The following SPRY3 variants were observed in gnomAD, a reference collection of about 807,000 sequenced individuals.
The protein encoded by SPRY3 is protein sprouty homolog 3.
A neutral mutation model predicts 20.2 loss-of-function variants in SPRY3; 15 were observed. The ratio of observed to expected loss-of-function variants is 0.74; its 90% CI spans 0.50 to 1.14. SPRY3 has a LOEUF of 1.14. Ranked by LOEUF, SPRY3 falls within the 50% of genes most tolerant of loss-of-function variation. The probability of loss-of-function intolerance (pLI) is 0.00; values close to 1 mark genes in which losing one functional copy is unlikely to be tolerated. For missense variants in SPRY3, 364 were observed against 363.9 expected (o/e 1.00, Z 0.00); for synonymous variants, 143 against 136.5 (o/e 1.05, Z -0.33).
chrX:155,761,583 G>T (rs907633318), intron 2 of SPRY3, among the ~76,000 whole-genome samples: 2 of 152,102 alleles, frequency 1.3e-5, no homozygotes, highest in African/African-American at 4.8e-5. Flanking sequence ...TGGGATTGCT[G>T]GGTCGAATGG....
At chrX:155,771,172 C>A (rs2091378543) in intron 3 of SPRY3, among the ~76,000 whole-genome samples, 1 of 152,166 alleles carries the variant, frequency 6.6e-6, no homozygotes, top group Non-Finnish European at 1.5e-5. Context: ...ATCAGTCTTG[C>A]AGAAATCGAA....
intron 1 of SPRY3, among the ~76,000 whole-genome samples, chrX:155,638,404 C>T (rs1187570525): frequency 3.4e-5 from 3 of 87,601 alleles, no homozygotes; most frequent in African/African-American, 1.4e-4. Context: ...AAAATGTCAC[C>T]CTTTCTGTAC....
At chrX:155,706,907 T>C (rs947453847) in intron 2 of SPRY3, among the ~76,000 whole-genome samples, 36 of 151,052 alleles carry the variant, frequency 2.4e-4, no homozygotes, top group African/African-American at 8.2e-4. Context: ...CCCAAATACT[T>C]ATGGGATGAT....
chrX:155,709,864 C>T (rs2090974364), intron 2 of SPRY3, among the ~76,000 whole-genome samples: 1 of 151,648 alleles, frequency 6.6e-6, no homozygotes, highest in Admixed American at 6.6e-5. Flanking sequence ...GTTCTAGGTT[C>T]ATTCTTCTGC....
chrX:155,776,198 A>T (rs755768419), exon 4 of SPRY3: 1 of 167,206 alleles, frequency 6.0e-6, no homozygotes, highest in Admixed American at 6.5e-5. Flanking sequence ...GTAGCTAATT[A>T]ACTATCAGGT....
At chrX:155,693,038 C>T (rs1348518302) in intron 2 of SPRY3, among the ~76,000 whole-genome samples, 1 of 110,545 alleles carries the variant, frequency 9.0e-6, no homozygotes, top group African/African-American at 3.3e-5. Context: ...CTTCTACTCA[C>T]TTACCTCAGT....
At chrX:155,767,913 T>C (rs944420836) in intron 2 of SPRY3, 49 bp from the exon 2 acceptor site, 2 of 148,298 alleles carry the variant, frequency 1.3e-5, no homozygotes, top group South Asian at 2.1e-4. Flanking sequence ...TTTTTTGTTT[T>C]GTTTTGTTTT....
chrX:155,673,780 T>C (rs12387333), intron 2 of SPRY3, among the ~76,000 whole-genome samples: 147 of 112,278 alleles, frequency 1.3e-3, no homozygotes, highest in African/African-American at 4.6e-3. Context: ...TGATTCAGGA[T>C]ACACTTAAGA....
chrX:155,779,732 T>C (rs2091452402), downstream of SPRY3: 1 of 166,854 alleles, frequency 6.0e-6, no homozygotes, highest in Admixed American at 6.6e-5. Context: ...AAGCAATGAG[T>C]TGGTTGGCTG....
At chrX:155,722,462 A>T (rs762287291) in intron 2 of SPRY3, among the ~76,000 whole-genome samples, 2 of 152,324 alleles carry the variant, frequency 1.3e-5, no homozygotes, top group South Asian at 4.2e-4. Flanking sequence ...TGGAGGTTGC[A>T]GTGAGCCAAG....
chrX:155,738,732 G>A (rs748493124), intron 2 of SPRY3, among the ~76,000 whole-genome samples: 1 of 152,274 alleles, frequency 6.6e-6, no homozygotes, highest in Admixed American at 6.5e-5. Context: ...AGATCCCCTT[G>A]TGAGCCCACA....
chrX:155,707,522 C>T (rs2090960306), intron 2 of SPRY3, among the ~76,000 whole-genome samples: 1 of 151,172 alleles, frequency 6.6e-6, no homozygotes, highest in African/African-American at 2.4e-5. Context: ...TTCATCTTTA[C>T]TAATATCTAT....
At chrX:155,766,833 C>T (rs1300289979) in intron 2 of SPRY3, among the ~76,000 whole-genome samples, 2 of 152,146 alleles carry the variant, frequency 1.3e-5, no homozygotes, top group Admixed American at 6.5e-5. Flanking sequence ...TTGTTGAATG[C>T]ATGCCATGCT....
chrX:155,713,869 T>G (rs1401088016), intron 2 of SPRY3, among the ~76,000 whole-genome samples: 1 of 152,162 alleles, frequency 6.6e-6, no homozygotes, highest in Non-Finnish European at 1.5e-5. Flanking sequence ...TCTGTAGGCA[T>G]ACTTCATTTT....
intron 2 of SPRY3, among the ~76,000 whole-genome samples, chrX:155,714,339 T>C (rs2091006764): frequency 6.6e-6 from 1 of 152,172 alleles, no homozygotes. Flanking sequence ...TTTCTGTCTG[T>C]CCTTCTTAGG....
At chrX:155,639,726 C>G (rs782527894) in intron 1 of SPRY3, among the ~76,000 whole-genome samples, 3 of 112,012 alleles carry the variant, frequency 2.7e-5, no homozygotes, top group Non-Finnish European at 5.6e-5. Context: ...TGGGTATATA[C>G]TCAGAAGTGG....
chrX:155,684,658 C>A (rs932816926), intron 2 of SPRY3, among the ~76,000 whole-genome samples: 1 of 111,620 alleles, frequency 9.0e-6, no homozygotes, highest in African/African-American at 3.3e-5. Context: ...TTGTAAGGAA[C>A]TCAAGAGGAG....
intron 1 of SPRY3, among the ~76,000 whole-genome samples, chrX:155,652,365 C>T (rs1370219112): frequency 4.6e-5 from 5 of 109,768 alleles, no homozygotes; most frequent in Non-Finnish European, 9.5e-5. Context: ...TTTTTTTATC[C>T]ATTAACTATC....
At chrX:155,770,329 A>C (rs2091373112) in intron 3 of SPRY3, among the ~76,000 whole-genome samples, 1 of 152,176 alleles carries the variant, frequency 6.6e-6, no homozygotes, top group African/African-American at 2.4e-5. Flanking sequence ...CCAGGGAGAA[A>C]ATACATTTTC....
Sources: allele counts gnomAD v4.1 joint callset (sites outside exome capture counted in the v4.1 genomes callset), GRCh38; gene constraint gnomAD v4.1.1; transcripts MANE v1.5; gene names NCBI Gene and HGNC (gene_info 2026-07-23, HGNC 2026-07-21).